TMEM181: variants seen among roughly 807,000 people sequenced by gnomAD.
TMEM181 encodes G protein-coupled receptor 178.
A neutral mutation model predicts 71.9 loss-of-function variants in TMEM181; 39 were observed. The ratio of observed to expected loss-of-function variants is 0.54; its 90% confidence interval spans 0.42 to 0.71. The LOEUF is 0.71. Among genes scored for constraint, TMEM181 ranks in the 30% least tolerant of loss-of-function variants. The pLI is 0.00. For synonymous variants in TMEM181, 245 were observed against 228.8 expected (o/e 1.07, Z -0.64); for missense variants, 595 against 583.0 (o/e 1.02, Z -0.21).
At chr6:158,536,872 G>A (rs1781128215) in intron 1 of TMEM181, 1 of 1,355,740 alleles carries the variant, frequency 7.4e-7, no homozygotes, top group Non-Finnish European at 9.5e-7. Flanking sequence ...ACAGGTGGGC[G>A]CGGCGCGGGC....
chr6:158,616,382 G>C (rs1325340425), intron 10 of TMEM181, among the ~76,000 whole-genome samples: 2 of 152,126 alleles, frequency 1.3e-5, no homozygotes. Context: ...AGGAGATTTT[G>C]GGCTGAGACG....
chr6:158,605,430 C>A, intron 7 of TMEM181, 83 bp downstream of exon 7: 4 of 1,265,654 alleles, frequency 3.2e-6, no homozygotes, highest in Non-Finnish European at 4.6e-6. Flanking sequence ...TCGGTGCAAG[C>A]CACATGGAGA....
intron 1 of TMEM181, among the ~76,000 whole-genome samples, chr6:158,539,611 A>G (rs1364368022): frequency 5.3e-5 from 8 of 152,264 alleles, no homozygotes; most frequent in Non-Finnish European, 1.5e-5. Flanking sequence ...CTCCGTTTAC[A>G]AAACATGATT....
chr6:158,553,598 T>C (rs769509203), intron 1 of TMEM181, among the ~76,000 whole-genome samples: 9 of 152,262 alleles, frequency 5.9e-5, no homozygotes, highest in Non-Finnish European at 1.3e-4. Context: ...TTATAATCTT[T>C]GTGCTAAACC....
intron 6 of TMEM181, among the ~76,000 whole-genome samples, chr6:158,601,545 G>A (rs4709228): frequency 0.36 from 53,964 of 151,906 alleles, 10,579 homozygotes; most frequent in East Asian, 0.75. Flanking sequence ...TGGATCACAA[G>A]GTCAGGAGTT....
intron 1 of TMEM181, among the ~76,000 whole-genome samples, chr6:158,545,454 C>A (rs774601791): frequency 6.6e-6 from 1 of 152,234 alleles, no homozygotes; most frequent in Non-Finnish European, 1.5e-5. Flanking sequence ...AAGGGCTGAT[C>A]GCCTGCCTCT....
chr6:158,562,745 GT>G (rs1384875636), intron 1 of TMEM181, among the ~76,000 whole-genome samples: 1 of 152,100 alleles, frequency 6.6e-6, no homozygotes, highest in Non-Finnish European at 1.5e-5. Flanking sequence ...TCATGGAATG[GT>G]TTTTTGTTCT....
At position 158,629,944 on chromosome 6, in the gene TMEM181, C is replaced by CAG. The variant is rs990622916; in HGVS notation, c.1282+134_1282+135dup. On this transcript the variant is annotated intron_variant, in intron 15 of 16. Coordinates refer to ENST00000684151, the MANE Select transcript of TMEM181 (RefSeq NM_001376852.1). ...TGTGATTCCCAGTGACTTCTCTTGG[C>CAG]AGAGAGAGAGTGAGTTGAAATGTCG... 11 of 800,582 alleles carry CAG rather than the reference C, an allele frequency of 1.4e-5. No individual in the cohort carries two copies. The African/African-American group carries it at 1.5e-4, about 11-fold the overall frequency. 49.6% of individuals were successfully genotyped at this position (800,582 alleles called of 1,614,324 possible).
intron 1 of TMEM181, among the ~76,000 whole-genome samples, chr6:158,572,899 GT>G (rs1412367717): frequency 2.0e-5 from 3 of 151,230 alleles, no homozygotes; most frequent in Non-Finnish European, 4.4e-5. Context: ...GGGCTTGTGG[GT>G]TGTGAGGTTG....
At chr6:158,563,624 C>T (rs976111791) in intron 1 of TMEM181, among the ~76,000 whole-genome samples, 3 of 152,240 alleles carry the variant, frequency 2.0e-5, no homozygotes, top group African/African-American at 7.2e-5. Context: ...TGACCTACTT[C>T]CTTGTTCCCT....
intron 7 of TMEM181, among the ~76,000 whole-genome samples, chr6:158,606,206 G>T (rs935292854): frequency 6.8e-6 from 1 of 146,930 alleles, no homozygotes; most frequent in Non-Finnish European, 1.5e-5. Context: ...AGGGGCGTGG[G>T]CGCTAGAGCC....
chr6:158,625,588 G>T, intron 12 of TMEM181, 115 bp from the exon 13 acceptor site: 1 of 943,286 alleles, frequency 1.1e-6, no homozygotes. Flanking sequence ...GGCTAAGTCT[G>T]GAGGGAGGAG....
In TMEM181 at chr6:158,627,045, C is replaced by G. The variant is rs535349585; in HGVS notation, c.1109+1291C>G. Among the ~76,000 whole-genome samples the G allele has an allele frequency of 1.3e-3, 185 of 146,990 alleles. 6 individuals carry two copies. The South Asian group carries it at 0.031, about 25-fold the overall frequency. ...CACTCTCACACATCCTTACACACAC[C>G]CTCATTCTCACACCCTCACACCTTC... On this transcript the variant is annotated intron_variant, in intron 13 of 16. Transcript: ENST00000684151.
At chr6:158,537,099 C>T (rs1221284585) in intron 1 of TMEM181, among the ~76,000 whole-genome samples, 6 of 151,962 alleles carry the variant, frequency 3.9e-5, no homozygotes, top group African/African-American at 1.4e-4. Flanking sequence ...TCAGGGCAGC[C>T]CGGCGCCCCC....
chr6:158,538,374 C>G (rs1781210995), intron 1 of TMEM181, among the ~76,000 whole-genome samples: 1 of 151,902 alleles, frequency 6.6e-6, no homozygotes, highest in Non-Finnish European at 1.5e-5. Flanking sequence ...AGGCTGGTCT[C>G]AAACTCCTGG....
intron 2 of TMEM181, among the ~76,000 whole-genome samples, chr6:158,575,761 T>A (rs1283814393): frequency 2.0e-5 from 3 of 152,210 alleles, no homozygotes; most frequent in Non-Finnish European, 4.4e-5. Flanking sequence ...CTACATTTGA[T>A]ATATGCTTCC....
At chr6:158,603,086 G>C (rs1475752380) in intron 6 of TMEM181, among the ~76,000 whole-genome samples, 1 of 152,050 alleles carries the variant, frequency 6.6e-6, no homozygotes, top group Non-Finnish European at 1.5e-5. Flanking sequence ...GAGCTTCTTG[G>C]ATTTGTGAGT....
At chr6:158,560,050 G>A, upstream of TMEM181, 3 of 985,210 alleles carry the variant, frequency 3.0e-6, no homozygotes, top group Non-Finnish European at 3.6e-6. Flanking sequence ...TCCGCCGTGA[G>A]AGTCGCTTCC....
intron 1 of TMEM181, among the ~76,000 whole-genome samples, chr6:158,543,719 G>A (rs768086798): frequency 1.3e-5 from 2 of 152,124 alleles, no homozygotes; most frequent in Non-Finnish European, 2.9e-5. Context: ...TTTAGGGCCC[G>A]CCTTAATGAC....
Sources: gnomAD v4.1 joint callset for allele counts (sites outside exome capture counted in the v4.1 genomes callset) on GRCh38, gnomAD v4.1.1 for gene constraint, MANE v1.5 for transcripts, NCBI Gene and HGNC (gene_info 2026-07-23, HGNC 2026-07-21) for gene names.